The following AAK1 variants were observed in gnomAD, a reference collection of about 807,000 sequenced individuals.
AAK1 encodes the protein AP2-associated protein kinase 1.
In AAK1, 37 loss-of-function variants were observed where a neutral mutation model predicts 116.0. The observed-to-expected ratio is 0.32, with a 90% CI of 0.25 to 0.42. The LOEUF (loss-of-function observed/expected upper bound fraction) is 0.42, where lower values mean the gene tolerates loss of function less well. Ranked by LOEUF, AAK1 falls within the 10% of genes least tolerant of loss-of-function variation. The pLI is 1.00. For synonymous variants in AAK1, 458 were observed against 439.9 expected (o/e 1.04, Z -0.51); for missense variants, 919 against 1,170.6 (o/e 0.79, Z 3.14).
chr2:69,638,346 T>C (rs1008662613), intron 2 of AAK1, among the ~76,000 whole-genome samples: 3 of 152,230 alleles, frequency 2.0e-5, no homozygotes, highest in Non-Finnish European at 4.4e-5. Flanking sequence ...CCCTGCCTGC[T>C]TTTGCTTAAG....
chr2:69,510,685 T>C (rs1159982627), intron 13 of AAK1, among the ~76,000 whole-genome samples: 1 of 152,224 alleles, frequency 6.6e-6, no homozygotes, highest in African/African-American at 2.4e-5. Context: ...AAGCATTCCC[T>C]TTTTTGTTTT....
intron 18 of AAK1, chr2:69,482,445 C>T: frequency 1.7e-6 from 1 of 601,654 alleles, no homozygotes; most frequent in South Asian, 2.2e-5. Context: ...GTTCTTCTAA[C>T]TAAATGTGAA....
chr2:69,560,767 G>A (rs1187963346), intron 2 of AAK1, among the ~76,000 whole-genome samples: 2 of 152,182 alleles, frequency 1.3e-5, no homozygotes, highest in Non-Finnish European at 2.9e-5. Flanking sequence ...AGCTCACCAT[G>A]AGTTTAGAGG....
intron 2 of AAK1, among the ~76,000 whole-genome samples, chr2:69,585,973 C>T (rs949034470): frequency 1.3e-5 from 2 of 152,126 alleles, no homozygotes; most frequent in African/African-American, 2.4e-5. Context: ...TTCCCTCCAC[C>T]TTCCCTCTGG....
At chr2:69,508,632 CA>C (rs1558920427) in intron 14 of AAK1, among the ~76,000 whole-genome samples, 9 of 152,088 alleles carry the variant, frequency 5.9e-5, no homozygotes, top group Non-Finnish European at 1.5e-5. Flanking sequence ...CATATAAGCT[CA>C]AAAAAATGTT....
In AAK1 at chr2:69,599,495, G is replaced by A. The variant is rs138364679; in HGVS notation, c.164-42517C>T. Among the ~76,000 whole-genome samples the A allele has an allele frequency of 1.4e-3, 215 of 151,752 alleles. 2 individuals carry two copies. Among genetic ancestry groups the A allele is most frequent in the African/African-American group, 5.0e-3 (206 of 41,350 alleles). On this transcript the variant is annotated intron_variant, in intron 2 of 21. Transcript: ENST00000409085. ...GTATTTCAGTTATCAAGTATTATTC[G>A]ATATTACCTCAGACTTTCTGGGTCT...
At chr2:69,568,360 G>T (rs76434210) in intron 2 of AAK1, among the ~76,000 whole-genome samples, 2,918 of 151,452 alleles carry the variant, frequency 0.019, 96 homozygotes, top group African/African-American at 0.068. Context: ...CTAGTGTAAT[G>T]ATGTGAGTTT....
rs1166791484 is a variant in AAK1 at position 69,466,555 on chromosome 2, G to GA, written c.*9313dup. On this transcript the variant is annotated 3_prime_UTR_variant, in exon 22 of 22. Coordinates refer to ENST00000409085, the MANE Select transcript of AAK1 (RefSeq NM_014911.5). ...GGATTGGACTCCCTCTGGAGATCTA[G>GA]AAAAGCATAAAATGCAGAATTAATG... 1 of 1,181,224 alleles carries GA rather than the reference G, an allele frequency of 8.5e-7. No homozygotes were observed. Among genetic ancestry groups the GA allele is most frequent in the Non-Finnish European group, 1.1e-6 (1 of 935,648 alleles). The allele number at this position is 1,181,224 out of a possible 1,614,324, so 73.2% of individuals were successfully genotyped here. A position where few individuals can be genotyped will look rare whatever the true frequency, so the allele number is the denominator to read the frequency against.
intron 2 of AAK1, among the ~76,000 whole-genome samples, chr2:69,572,256 C>T (rs1672118829): frequency 6.6e-6 from 1 of 152,146 alleles, no homozygotes; most frequent in Non-Finnish European, 1.5e-5. Context: ...GGTGGCTGAG[C>T]ACAACACTGT....
chr2:69,476,920 C>A lies in AAK1; in HGVS notation c.2751G>T (p.Glu917Asp), dbSNP rs1346925668. 1 of 1,613,742 alleles carries A rather than the reference C, an allele frequency of 6.2e-7. No individual in the cohort carries two copies. Among genetic ancestry groups the A allele is most frequent in the Admixed American group, 1.7e-5 (1 of 60,006 alleles). ...PEGSDKVAEDEFDPIPVLITK... is the reference protein window; with the variant it reads ...PEGSDKVAEDDFDPIPVLITK... ...TTATCAATACAGGAATAGGGTCAAA[C>A]TCATCTTCAGCCACCTTGTCCGAGC... Residue 917 changes from glutamate to aspartate, a missense_variant, in exon 21 of 22, where the codon GAG becomes GAT. Transcript: ENST00000409085.
intron 3 of AAK1, among the ~76,000 whole-genome samples, chr2:69,548,332 A>T (rs962330587): frequency 6.6e-6 from 1 of 151,414 alleles, no homozygotes; most frequent in Admixed American, 6.6e-5. Context: ...CATAAGGAAA[A>T]AAGATCCTTT....
intron 7 of AAK1, 77 bp downstream of exon 7, chr2:69,530,548 G>T: frequency 1.6e-6 from 2 of 1,216,000 alleles, no homozygotes; most frequent in Non-Finnish European, 2.4e-6. Context: ...ATGCTATAGC[G>T]CTGTGTGCAT....
At chr2:69,593,292 A>C (rs1018066303) in intron 2 of AAK1, among the ~76,000 whole-genome samples, 7 of 152,206 alleles carry the variant, frequency 4.6e-5, no homozygotes, top group African/African-American at 1.7e-4. Context: ...AGATTATGGT[A>C]TATCCATGCA....
In AAK1 at chr2:69,481,808, T is replaced by C. The variant is rs1274215370; in HGVS notation, c.2468-847A>G. ...ATACTTGGTATATACATGGACCTTT[T>C]TAAATTTTTTAATTTTGTTTAAGAT... On this transcript the variant is annotated intron_variant, in intron 18 of 21. Coordinates refer to ENST00000409085, the MANE Select transcript of AAK1 (RefSeq NM_014911.5). 3.3e-5 allele frequency: 5 copies of C among 152,234 alleles called. No homozygotes were observed. The East Asian group carries it at 9.6e-4, about 29-fold the overall frequency. 9.4% of individuals were successfully genotyped at this position (152,234 alleles called of 1,614,324 possible).
At chr2:69,626,534 C>T (rs1015262852) in intron 2 of AAK1, among the ~76,000 whole-genome samples, 1 of 151,074 alleles carries the variant, frequency 6.6e-6, no homozygotes, top group Non-Finnish European at 1.5e-5. Context: ...GGGTCTCACT[C>T]TGTCTCCCAG....
chr2:69,607,384 G>A (rs182514208), intron 2 of AAK1, among the ~76,000 whole-genome samples: 26 of 152,258 alleles, frequency 1.7e-4, no homozygotes, highest in Middle Eastern at 3.4e-3. Flanking sequence ...AGGGGTCATC[G>A]TATGGCCTTG....
intron 2 of AAK1, among the ~76,000 whole-genome samples, chr2:69,559,913 A>G (rs1340028232): frequency 1.3e-5 from 2 of 152,238 alleles, no homozygotes; most frequent in Non-Finnish European, 2.9e-5. Flanking sequence ...GTAGGTAGCA[A>G]GATGACCTTT....
chr2:69,546,550 C>T (rs1670932142), intron 3 of AAK1, among the ~76,000 whole-genome samples: 1 of 152,148 alleles, frequency 6.6e-6, no homozygotes, highest in Non-Finnish European at 1.5e-5. Context: ...ACTCATATCC[C>T]TACATTTAAC....
intron 12 of AAK1, chr2:69,516,905 G>C (rs913450185): frequency 2.6e-5 from 4 of 152,118 alleles, no homozygotes; most frequent in African/African-American, 9.7e-5. Flanking sequence ...CCGGGAGCAG[G>C]GGACCAGTAG....
Sources: gnomAD v4.1 joint callset for allele counts (sites outside exome capture counted in the v4.1 genomes callset) on GRCh38, gnomAD v4.1.1 for gene constraint, MANE v1.5 for transcripts, NCBI Gene and HGNC (gene_info 2026-07-23, HGNC 2026-07-21) for gene names.